Variants in TGFBR2 observed in about 807,000 individuals in gnomAD.
The protein encoded by TGFBR2 is TGF-beta receptor type-2.
In TGFBR2, 18 loss-of-function variants were observed where a neutral mutation model predicts 49.0. The observed-to-expected ratio is 0.37, with a 90% CI of 0.25 to 0.54. The LOEUF (loss-of-function observed/expected upper bound fraction) is 0.54. Among genes scored for constraint, TGFBR2 ranks in the 20% least tolerant of loss-of-function variants. The pLI is 0.85. For synonymous variants in TGFBR2, 282 were observed against 275.9 expected (o/e 1.02, Z -0.22); for missense variants, 525 against 722.6 (o/e 0.73, Z 3.13).
intron 1 of TGFBR2, among the ~76,000 whole-genome samples, chr3:30,628,083 T>A (rs978032397): frequency 2.0e-5 from 3 of 150,970 alleles, no homozygotes; most frequent in African/African-American, 7.3e-5. Flanking sequence ...GCAATTATAA[T>A]ACTTTATTGT....
intron 1 of TGFBR2, among the ~76,000 whole-genome samples, chr3:30,607,440 T>A (rs1697944340): frequency 6.6e-6 from 1 of 152,222 alleles, no homozygotes; most frequent in African/African-American, 2.4e-5. Flanking sequence ...AGCTCCTCAG[T>A]CCTTAGCTCC....
At chr3:30,615,757 A>G (rs776744198) in intron 1 of TGFBR2, among the ~76,000 whole-genome samples, 49 of 150,768 alleles carry the variant, frequency 3.3e-4, no homozygotes, top group Admixed American at 9.2e-4. Context: ...TTTTTTTTCC[A>G]GAGATGAGAT....
At chr3:30,644,165 A>G (rs1471910380) in intron 1 of TGFBR2, among the ~76,000 whole-genome samples, 2 of 152,214 alleles carry the variant, frequency 1.3e-5, no homozygotes, top group East Asian at 3.9e-4. Flanking sequence ...AGACCCTTAT[A>G]GCTCTTTCAG....
rs952006496 is a variant in TGFBR2, at chr3:30,644,737, C to G, written c.95-10C>G. ...GGATAATCATTTAATATATCTTTCTCTCTCCTCAGTTAATAACGACATGAT... is the reference window on the plus strand; with the variant it reads ...GGATAATCATTTAATATATCTTTCTGTCTCCTCAGTTAATAACGACATGAT... On this transcript the variant is annotated splice_polypyrimidine_tract_variant and intron_variant, in intron 1 of 6. Coordinates refer to ENST00000295754, the MANE Select transcript of TGFBR2 (RefSeq NM_003242.6). 4.3e-6 allele frequency: 7 copies of G among 1,613,518 alleles called. No homozygotes were observed. The Admixed American group carries it at 8.3e-5, about 19-fold the overall frequency.
In TGFBR2 at chr3:30,671,650, G is replaced by T. The variant is rs1699338540; in HGVS notation, c.467G>T (p.Ser156Ile). 6.2e-7 allele frequency: 1 copy of T among 1,614,128 alleles called. No homozygotes were observed. Among genetic ancestry groups the T allele is most frequent in the East Asian group, 2.2e-5 (1 of 44,870 alleles). ...GTTTCCCCATCAGAATATAACACCA[G>T]CAATCCTGACTTGTTGCTAGTCATA... ...NIIFSEEYNT[S>I]NPDLLLVIFQ... Residue 156 changes from serine to isoleucine, a missense_variant, in exon 4 of 7, where the codon AGC becomes ATC. Transcript: ENST00000295754.
At position 30,692,629 on chromosome 3, in the gene TGFBR2, T is replaced by G. The variant is rs974557787; in HGVS notation, c.*1030T>G. On this transcript the variant is annotated 3_prime_UTR_variant, in exon 7 of 7. Transcript: ENST00000295754. ...TACACTTGACTTGATTTTCTAGTTT[T>G]CTATACAAACACCAATGGGTTCCAT... is the stretch of plus-strand genomic sequence containing the variant. The G allele has an allele frequency of 8.6e-6, 2 of 233,276 alleles. No homozygotes were observed. The highest frequency in any genetic ancestry group is 4.4e-5 in the African/African-American group (2 of 45,462). 14.5% of individuals were successfully genotyped at this position (233,276 alleles called of 1,614,324 possible).
chr3:30,613,527 A>T (rs759692179), intron 1 of TGFBR2, among the ~76,000 whole-genome samples: 18 of 36,204 alleles, frequency 5.0e-4, no homozygotes, highest in Admixed American at 1.2e-3. Context: ...TCTGTATGTG[A>T]GAGAGAGAGA....
intron 6 of TGFBR2, among the ~76,000 whole-genome samples, chr3:30,689,631 G>C (rs3773664): frequency 0.23 from 35,734 of 152,126 alleles, 5,141 homozygotes; most frequent in Non-Finnish European, 0.33. Flanking sequence ...GGGGAACCAG[G>C]CTGTGGTGGG....
At chr3:30,620,917 C>A (rs1424696113) in intron 1 of TGFBR2, among the ~76,000 whole-genome samples, 2 of 152,084 alleles carry the variant, frequency 1.3e-5, no homozygotes, top group African/African-American at 2.4e-5. Flanking sequence ...TTTGGAAAGC[C>A]CTGTTAAAAT....
At position 30,671,699 on chromosome 3, in the gene TGFBR2, C is replaced by T. The variant is rs1301321642; in HGVS notation, c.516C>T (p.Leu172=). Residue 172 remains leucine, a synonymous_variant, in exon 4 of 7, where the codon CTC becomes CTT. Coordinates refer to ENST00000295754, the MANE Select transcript of TGFBR2 (RefSeq NM_003242.6). ...TATTTCAAGTGACAGGCATCAGCCT[C>T]CTGCCACCACTGGGAGTTGCCATAT... ...LVIFQVTGIS[L]LPPLGVAISV... 7 of 1,614,192 alleles carry T rather than the reference C, an allele frequency of 4.3e-6. No homozygotes were observed. Among genetic ancestry groups the T allele is most frequent in the Admixed American group, 1.7e-5 (1 of 60,030 alleles).
At position 30,671,527 on chromosome 3, in the gene TGFBR2, A is replaced by G. The variant is rs17026161; in HGVS notation, c.455-111A>G. On this transcript the variant is annotated intron_variant, in intron 3 of 6. Transcript: ENST00000295754. The stretch of plus-strand genomic sequence containing the variant: ...TAAAAATTAACAATATCGTATCTAC[A>G]AAAACTATGCAGATGCTAAAATCTA... 1.1e-3 allele frequency: 1,267 copies of G among 1,124,162 alleles called. 3 individuals are homozygous for G. Among genetic ancestry groups the G allele is most frequent in the Middle Eastern group, 3.2e-3 (13 of 4,056 alleles). 69.6% of individuals were successfully genotyped at this position (1,124,162 alleles called of 1,614,324 possible).
Position 30,618,428 on chromosome 3 carries a change from C to T in TGFBR2, c.94+11451C>T, listed in dbSNP as rs560383030. ...TGTTGTTGTATTTTTAGTAGAGACACGGTTTCACCATGTTGGTCAGGCTGG... is the reference window on the plus strand; with the variant it reads ...TGTTGTTGTATTTTTAGTAGAGACATGGTTTCACCATGTTGGTCAGGCTGG... On this transcript the variant is annotated intron_variant, in intron 1 of 6. Coordinates refer to ENST00000295754, the MANE Select transcript of TGFBR2 (RefSeq NM_003242.6). 9.5e-4 allele frequency among the ~76,000 whole-genome samples: 144 copies of T among 151,982 alleles called. 1 individual carries two copies. Among genetic ancestry groups the T allele is most frequent in the African/African-American group, 3.4e-3 (140 of 41,466 alleles).
intron 2 of TGFBR2, among the ~76,000 whole-genome samples, chr3:30,646,331 G>A (rs1479926366): frequency 2.0e-5 from 3 of 152,180 alleles, no homozygotes; most frequent in East Asian, 3.8e-4. Flanking sequence ...TCTAGGTAAC[G>A]CTTTCAAAGA....
chr3:30,654,748 G>A (rs1357351512), intron 3 of TGFBR2, among the ~76,000 whole-genome samples: 1 of 152,204 alleles, frequency 6.6e-6, no homozygotes, highest in African/African-American at 2.4e-5. Context: ...GGAATCCTGA[G>A]CAAATAGCCA....
At chr3:30,683,843 C>T (rs1377556782) in intron 5 of TGFBR2, among the ~76,000 whole-genome samples, 2 of 152,154 alleles carry the variant, frequency 1.3e-5, no homozygotes, top group Non-Finnish European at 2.9e-5. Context: ...CTGTCCAGTT[C>T]CCCAGGACTG....
At chr3:30,619,695 C>G (rs1460111676) in intron 1 of TGFBR2, among the ~76,000 whole-genome samples, 1 of 152,102 alleles carries the variant, frequency 6.6e-6, no homozygotes, top group African/African-American at 2.4e-5. Flanking sequence ...CAAGTTTTAC[C>G]ATTCTCTATT....
chr3:30,649,121 G>A (rs1698831405), intron 2 of TGFBR2, among the ~76,000 whole-genome samples: 2 of 152,120 alleles, frequency 1.3e-5, no homozygotes, highest in South Asian at 2.1e-4. Context: ...CTTCATAGAA[G>A]ATTACTCTAG....
At position 30,676,984 on chromosome 3, in the gene TGFBR2, G is replaced by C. The variant is rs898735845; in HGVS notation, c.1396+2738G>C. Among the ~76,000 whole-genome samples, 1 of 152,206 alleles carries C rather than the reference G, an allele frequency of 6.6e-6. No homozygotes were observed. The highest frequency in any genetic ancestry group is 1.5e-5 in the Non-Finnish European group (1 of 68,032). On this transcript the variant is annotated intron_variant, in intron 5 of 6. Coordinates refer to ENST00000295754, the MANE Select transcript of TGFBR2 (RefSeq NM_003242.6). This position sits in a 1 kb window ranked among gnomAD's most constrained non-coding sequence, Gnocchi z 4.3. ...CCAAAATGAATCTTTAGCCGGGTATGAGTTGTATCAGAGACAATGCTGTTG... is the reference window on the plus strand; with the variant it reads ...CCAAAATGAATCTTTAGCCGGGTATCAGTTGTATCAGAGACAATGCTGTTG...
intron 1 of TGFBR2, among the ~76,000 whole-genome samples, chr3:30,609,922 T>G (rs539919445): frequency 2.2e-4 from 33 of 152,364 alleles, no homozygotes; most frequent in African/African-American, 7.5e-4. Context: ...TTGAACTCAT[T>G]GCCTTCTTTT....
Sources: gnomAD v4.1 joint callset for allele counts (sites outside exome capture counted in the v4.1 genomes callset) on GRCh38, gnomAD v4.1.1 for gene constraint, Gnocchi (gnomAD v3.1) non-coding constraint, MANE v1.5 for transcripts, NCBI Gene and HGNC (gene_info 2026-07-23, HGNC 2026-07-21) for gene names.